Variants in PLCB1 observed in about 807,000 individuals in gnomAD.
The protein encoded by PLCB1 is phospholipase C beta 1.
In PLCB1, 46 loss-of-function variants were observed where a neutral mutation model predicts 161.8. The observed-to-expected ratio is 0.28, with a 90% CI of 0.22 to 0.36. PLCB1 has a LOEUF of 0.36. Among genes scored for constraint, PLCB1 ranks in the 10% least tolerant of loss-of-function variants. The probability of loss-of-function intolerance (pLI) is 1.00; values close to 1 mark genes in which losing one functional copy is unlikely to be tolerated. For missense variants in PLCB1, 1,016 were observed against 1,472.5 expected (o/e 0.69, Z 5.07); for synonymous variants, 517 against 503.7 (o/e 1.03, Z -0.35).
intron 31 of PLCB1, chr20:8,792,163 C>T (rs914703679): frequency 1.8e-4 from 30 of 163,578 alleles, no homozygotes; most frequent in East Asian, 1.6e-3. Flanking sequence ...ACTCAAAGGA[C>T]GTGCAGCAAA....
intron 3 of PLCB1, among the ~76,000 whole-genome samples, chr20:8,392,421 C>G (rs1041915542): frequency 7.9e-5 from 12 of 152,016 alleles, no homozygotes; most frequent in Non-Finnish European, 1.3e-4. Flanking sequence ...ATAAATTGGC[C>G]GGTCTGTTTG....
chr20:8,625,261 C>T (rs1412995400), intron 3 of PLCB1: 1 of 152,034 alleles, frequency 6.6e-6, no homozygotes, highest in Non-Finnish European at 1.5e-5. Flanking sequence ...CCAGACAATC[C>T]CCTCTTTGTG....
chr20:8,690,548 A>G (rs1205940687), intron 10 of PLCB1, among the ~76,000 whole-genome samples: 3 of 152,128 alleles, frequency 2.0e-5, no homozygotes, highest in Admixed American at 6.5e-5. Context: ...GGGTCACAGG[A>G]TGGGTGGCAG....
chr20:8,676,684 C>T (rs1990085539), intron 9 of PLCB1, among the ~76,000 whole-genome samples: 1 of 152,182 alleles, frequency 6.6e-6, no homozygotes, highest in Non-Finnish European at 1.5e-5. Flanking sequence ...GCAGTGATGC[C>T]TTACCAACTC....
At chr20:8,706,062 AT>A (rs1420086684) in intron 11 of PLCB1, among the ~76,000 whole-genome samples, 2 of 152,210 alleles carry the variant, frequency 1.3e-5, no homozygotes, top group Non-Finnish European at 2.9e-5. Context: ...GATCACAGTG[AT>A]TTACAACCAC....
At chr20:8,169,251 T>G (rs1378690288) in intron 2 of PLCB1, among the ~76,000 whole-genome samples, 1 of 152,164 alleles carries the variant, frequency 6.6e-6, no homozygotes, top group East Asian at 1.9e-4. Flanking sequence ...ATAATTGTTC[T>G]TTTGTAGGAT....
intron 10 of PLCB1, 53 bp from the exon 11 acceptor site, chr20:8,697,573 C>A: frequency 6.3e-7 from 1 of 1,586,862 alleles, no homozygotes; most frequent in Non-Finnish European, 8.6e-7. Context: ...GAAAGCACCA[C>A]GGTCATCCTT....
At chr20:8,281,944 A>T (rs1307648079) in intron 2 of PLCB1, among the ~76,000 whole-genome samples, 2 of 152,152 alleles carry the variant, frequency 1.3e-5, no homozygotes, top group African/African-American at 4.8e-5. Flanking sequence ...ATTAAAGAAA[A>T]AACTTTAGAT....
intron 31 of PLCB1, among the ~76,000 whole-genome samples, chr20:8,813,274 G>T (rs902874703): frequency 7.2e-5 from 11 of 152,166 alleles, no homozygotes; most frequent in Admixed American, 5.2e-4. Context: ...GCTTTGGCAA[G>T]ATTTTTAGGC....
intron 2 of PLCB1, among the ~76,000 whole-genome samples, chr20:8,276,065 A>G (rs1982528792): frequency 6.6e-6 from 1 of 152,200 alleles, no homozygotes; most frequent in Admixed American, 6.5e-5. Flanking sequence ...GAACATTCAG[A>G]TAAGATGCAC....
chr20:8,781,107 T>C (rs1164861802), intron 27 of PLCB1, among the ~76,000 whole-genome samples: 1 of 152,326 alleles, frequency 6.6e-6, no homozygotes, highest in East Asian at 1.9e-4. Flanking sequence ...TGTTCTCCTT[T>C]CTGTGGTTGC....
chr20:8,616,477 A>C (rs1988042805), intron 3 of PLCB1, among the ~76,000 whole-genome samples: 1 of 152,228 alleles, frequency 6.6e-6, no homozygotes, highest in South Asian at 2.1e-4. Flanking sequence ...TGTTAGACTC[A>C]CCTACTAAAC....
intron 3 of PLCB1, among the ~76,000 whole-genome samples, chr20:8,593,436 C>A (rs1442865634): frequency 6.6e-6 from 1 of 152,108 alleles, no homozygotes; most frequent in Non-Finnish European, 1.5e-5. Context: ...TCAAGCAATT[C>A]TCCTGACTTA....
At chr20:8,368,546 A>AG (rs1207589617) in intron 2 of PLCB1, among the ~76,000 whole-genome samples, 1 of 150,940 alleles carries the variant, frequency 6.6e-6, no homozygotes. Flanking sequence ...AAAAAAAAAA[A>AG]AAAAGAAAAA....
chr20:8,733,073 A>T (rs1980358090), intron 18 of PLCB1, among the ~76,000 whole-genome samples, 165 bp from the exon 19 acceptor site: 1 of 152,034 alleles, frequency 6.6e-6, no homozygotes, highest in Admixed American at 6.6e-5. Flanking sequence ...CTTGGGGATT[A>T]GAGGTAATTT....
intron 18 of PLCB1, 74 bp downstream of exon 18, chr20:8,729,248 G>A (rs1027323729): frequency 1.5e-6 from 2 of 1,330,964 alleles, no homozygotes; most frequent in Non-Finnish European, 2.0e-6. Context: ...TTACATAATT[G>A]GGGGAGAGAA....
intron 7 of PLCB1, among the ~76,000 whole-genome samples, chr20:8,654,378 G>A (rs1989397183): frequency 6.6e-6 from 1 of 151,994 alleles, no homozygotes; most frequent in African/African-American, 2.4e-5. Context: ...CTGATGTGAT[G>A]GACCACGTCC....
At position 8,509,235 on chromosome 20, in the gene PLCB1, C is replaced by T. The variant is rs1040426323; in HGVS notation, c.247-119059C>T. ...TTGTGTTGTATGCTACAGAGTGACC[C>T]CCCACAAGTTCCTTGCCCATGTGTG... On this transcript the variant is annotated intron_variant, in intron 3 of 31. Transcript: ENST00000338037. Among the ~76,000 whole-genome samples, 10 of 152,022 alleles carry T rather than the reference C, an allele frequency of 6.6e-5. No individual in the cohort carries two copies. The South Asian group carries it at 1.0e-3, about 16-fold the overall frequency.
intron 2 of PLCB1, among the ~76,000 whole-genome samples, chr20:8,198,985 A>G (rs6055634): frequency 0.025 from 3,859 of 151,976 alleles, 182 homozygotes; most frequent in African/African-American, 0.088. Flanking sequence ...CCCATTACCC[A>G]TTATCTGGAC....
Sources: gnomAD v4.1 joint callset for allele counts (sites outside exome capture counted in the v4.1 genomes callset) on GRCh38, gnomAD v4.1.1 for gene constraint, MANE v1.5 for transcripts, NCBI Gene and HGNC (gene_info 2026-07-23, HGNC 2026-07-21) for gene names.